TMEM117: variants seen among roughly 807,000 people sequenced by gnomAD.
TMEM117 encodes the protein transmembrane protein 117.
Under a neutral mutation model 52.4 loss-of-function variants are expected in TMEM117, and 27 were observed. The observed-to-expected ratio is 0.51, with a 90% CI of 0.38 to 0.71. The LOEUF (loss-of-function observed/expected upper bound fraction) is 0.71, where lower values mean the gene tolerates loss of function less well. Among genes scored for constraint, TMEM117 ranks in the 30% least tolerant of loss-of-function variants. The probability of loss-of-function intolerance (pLI) is 0.00; values close to 1 mark genes in which losing one functional copy is unlikely to be tolerated. For synonymous variants in TMEM117, 215 were observed against 206.3 expected, an observed-to-expected ratio of 1.04 and a Z score of -0.36; for missense variants, 556 against 630.5, an observed-to-expected ratio of 0.88 and a Z score of 1.26.
At chr12:43,945,786 T>C (rs1945122333) in intron 3 of TMEM117, among the ~76,000 whole-genome samples, 1 of 152,232 alleles carries the variant, frequency 6.6e-6, no homozygotes, top group South Asian at 2.1e-4. Context: ...TTAGGTAATA[T>C]CCTTTTCTTC....
At chr12:44,087,717 G>T (rs530634169) in intron 3 of TMEM117, among the ~76,000 whole-genome samples, 2 of 152,082 alleles carry the variant, frequency 1.3e-5, no homozygotes, top group African/African-American at 4.8e-5. Context: ...CACCCTCCTC[G>T]GCTTTCCAAA....
At chr12:43,825,214 T>C in the TMEM117 span, among the ~76,000 whole-genome samples, 1 of 152,180 alleles carries the variant, frequency 6.6e-6, no homozygotes, top group Non-Finnish European at 1.5e-5. Context: ...AAGAAAATAA[T>C]CCACAGGAAA....
intron 2 of TMEM117, among the ~76,000 whole-genome samples, chr12:43,904,769 G>A (rs1293151402): frequency 6.6e-6 from 1 of 152,184 alleles, no homozygotes; most frequent in African/African-American, 2.4e-5. Flanking sequence ...TTTTTACATT[G>A]TTATACCAAG....
chr12:44,166,275 G>A (rs1485655298), intron 4 of TMEM117, among the ~76,000 whole-genome samples: 1 of 152,146 alleles, frequency 6.6e-6, no homozygotes, highest in Non-Finnish European at 1.5e-5. Flanking sequence ...AAAGTATAAA[G>A]ATTTCAAATA....
intron 2 of TMEM117, among the ~76,000 whole-genome samples, chr12:43,878,890 A>G (rs951330101): frequency 6.6e-6 from 1 of 152,192 alleles, no homozygotes; most frequent in African/African-American, 2.4e-5. Context: ...ATGGCAGGTG[A>G]CCATTCATAA....
At chr12:44,141,715 T>C (rs1258149826) in intron 3 of TMEM117, among the ~76,000 whole-genome samples, 6 of 152,164 alleles carry the variant, frequency 3.9e-5, no homozygotes, top group Non-Finnish European at 8.8e-5. Context: ...TTGAGTTCAC[T>C]GACCAAGAGC....
At chr12:44,340,448 A>G (rs748482031) in intron 6 of TMEM117, among the ~76,000 whole-genome samples, 3 of 152,102 alleles carry the variant, frequency 2.0e-5, no homozygotes, top group Middle Eastern at 3.2e-3. Context: ...TATGCTTTCT[A>G]CTTTCCTGAG....
intron 6 of TMEM117, among the ~76,000 whole-genome samples, chr12:44,303,524 C>G (rs774918704): frequency 1.3e-5 from 2 of 151,920 alleles, no homozygotes; most frequent in Non-Finnish European, 2.9e-5. Flanking sequence ...ATTGTTGTAT[C>G]ACATTTTTCT....
upstream of TMEM117, among the ~76,000 whole-genome samples, chr12:43,832,663 C>G (rs190244121): frequency 5.9e-5 from 9 of 152,350 alleles, no homozygotes; most frequent in Admixed American, 5.2e-4. Flanking sequence ...AGCCACATCT[C>G]TTTCCTCTTA....
intron 3 of TMEM117, among the ~76,000 whole-genome samples, chr12:44,055,195 G>A (rs982961278): frequency 2.6e-4 from 39 of 152,168 alleles, no homozygotes; most frequent in Admixed American, 7.9e-4. Context: ...TGTATAATTA[G>A]CAGGAAGCTC....
intron 5 of TMEM117, among the ~76,000 whole-genome samples, chr12:44,241,622 G>T (rs911907022): frequency 2.0e-5 from 3 of 151,724 alleles, no homozygotes; most frequent in African/African-American, 7.3e-5. Flanking sequence ...GTTTCTTTTG[G>T]TAGTTTTGTG....
intron 3 of TMEM117, among the ~76,000 whole-genome samples, chr12:44,002,252 T>G (rs1946127445): frequency 6.6e-6 from 1 of 152,142 alleles, no homozygotes; most frequent in South Asian, 2.1e-4. Context: ...TACAGCAGAA[T>G]GGGCCCAAGG....
chr12:43,969,438 C>G (rs1300209797), intron 3 of TMEM117, among the ~76,000 whole-genome samples: 1 of 150,692 alleles, frequency 6.6e-6, no homozygotes, highest in Non-Finnish European at 1.5e-5. Flanking sequence ...CAGAGAATTG[C>G]TTGAACCTGG....
intron 2 of TMEM117, 63 bp downstream of exon 2, chr12:43,844,991 C>A: frequency 6.5e-7 from 1 of 1,536,846 alleles, no homozygotes; most frequent in South Asian, 1.3e-5. Flanking sequence ...CTCCAAGATA[C>A]AACTTTGCTA....
intron 2 of TMEM117, among the ~76,000 whole-genome samples, chr12:43,880,078 C>G (rs1943869968): frequency 6.6e-6 from 1 of 152,166 alleles, no homozygotes; most frequent in Non-Finnish European, 1.5e-5. Flanking sequence ...TCATACTTCC[C>G]TATTTCATCA....
intron 5 of TMEM117, among the ~76,000 whole-genome samples, chr12:44,219,294 A>G (rs554187355): frequency 2.0e-5 from 3 of 150,856 alleles, no homozygotes; most frequent in East Asian, 1.9e-4. Context: ...TTAACTCCCT[A>G]TATTCTTTGT....
intron 3 of TMEM117, among the ~76,000 whole-genome samples, chr12:44,115,904 G>A (rs559571122): frequency 9.9e-5 from 15 of 152,166 alleles, no homozygotes; most frequent in Non-Finnish European, 1.8e-4. Flanking sequence ...AAACACGATC[G>A]TGTCTTTCTC....
chr12:44,341,247 C>T (rs146763712), intron 6 of TMEM117, among the ~76,000 whole-genome samples: 147 of 151,904 alleles, frequency 9.7e-4, no homozygotes, highest in African/African-American at 3.3e-3. Context: ...AGCAATGCTC[C>T]CACCTCAGCC....
At chr12:43,999,615 C>T (rs1946085312) in intron 3 of TMEM117, among the ~76,000 whole-genome samples, 1 of 152,036 alleles carries the variant, frequency 6.6e-6, no homozygotes. Flanking sequence ...GTAGGTGGGA[C>T]TACAGGCACA....
Sources: gnomAD v4.1 joint callset for allele counts (sites outside exome capture counted in the v4.1 genomes callset) on GRCh38, gnomAD v4.1.1 for gene constraint, MANE v1.5 for transcripts, NCBI Gene and HGNC (gene_info 2026-07-23, HGNC 2026-07-21) for gene names.